Variants in OR6B3 observed in about 807,000 individuals in gnomAD.
The protein encoded by OR6B3 is olfactory receptor family 6 subfamily B member 3.
For synonymous variants in OR6B3, 148 were observed against 187.8 expected (o/e 0.79, Z 1.73); for missense variants, 315 against 427.4 (o/e 0.74, Z 2.32).
rs57303374 is a variant in OR6B3, at chr2:240,045,743, G to A, written c.330C>T (p.Thr110=). The change falls in exon 2 of 2, where the codon ACC becomes ACT. Residue 110 remains threonine, a synonymous_variant. Coordinates refer to ENST00000641019, the Ensembl canonical transcript of OR6B3. Reference sequence around the variant, plus strand: ...CCATGGAGGCCAGAAGCACACACTCGGTGCACACCAGGGAGCTGAAGAAGT... The same window carrying A: ...CCATGGAGGCCAGAAGCACACACTCAGTGCACACCAGGGAGCTGAAGAAGT... 0.049 allele frequency: 67,618 copies of A among 1,375,974 alleles called. 3,093 individuals carry two copies. Among genetic ancestry groups the A allele is most frequent in the African/African-American group, 0.17 (11,705 of 68,808 alleles). The allele number at this position is 1,375,974 out of a possible 1,614,324, so 85.2% of individuals were successfully genotyped here. A position where few individuals can be genotyped will look rare whatever the true frequency, so the allele number is the denominator to read the frequency against.
At chr2:240,052,738 C>G in the OR6B3 span, among the ~76,000 whole-genome samples, 1 of 152,208 alleles carries the variant, frequency 6.6e-6, no homozygotes, top group African/African-American at 2.4e-5. The surrounding 1 kb of genome is among the most constrained non-coding windows in gnomAD (Gnocchi z 4.5). Context: ...CCCGTGGGCC[C>G]GACACGCATA....
chr2:240,049,901 A>G (rs11677092), upstream of OR6B3, among the ~76,000 whole-genome samples: 66,306 of 152,012 alleles, frequency 0.44, 15,280 homozygotes, highest in African/African-American at 0.59. Flanking sequence ...GAGATAATCA[A>G]AAGGGTATGT....
chr2:240,052,746 A>G, the OR6B3 span, among the ~76,000 whole-genome samples: 2 of 152,244 alleles, frequency 1.3e-5, no homozygotes, highest in African/African-American at 4.8e-5. This position sits in a 1 kb window ranked among gnomAD's most constrained non-coding sequence, Gnocchi z 4.5. Flanking sequence ...CCCGACACGC[A>G]TAGCCTGCTC....
exon 2 of OR6B3, chr2:240,045,191 A>G (rs779081826): frequency 9.9e-6 from 16 of 1,614,118 alleles, no homozygotes; most frequent in Non-Finnish European, 1.3e-5. Flanking sequence ...TAAATTCCTT[A>G]TTCCTCAGGC....
upstream of OR6B3, among the ~76,000 whole-genome samples, chr2:240,048,122 G>A (rs544820867): frequency 4.6e-5 from 7 of 152,300 alleles, no homozygotes; most frequent in South Asian, 6.2e-4. Flanking sequence ...CACCTGGTTC[G>A]TGTTGGCATG....
the OR6B3 span, among the ~76,000 whole-genome samples, chr2:240,052,386 A>G: frequency 6.6e-6 from 1 of 152,114 alleles, no homozygotes; most frequent in African/African-American, 2.4e-5. The surrounding 1 kb of genome is among the most constrained non-coding windows in gnomAD (Gnocchi z 4.5). Context: ...TATTTTGGAT[A>G]GAAAAACTAC....
At chr2:240,051,373 G>C (rs1352004373), upstream of OR6B3, among the ~76,000 whole-genome samples, 1 of 152,192 alleles carries the variant, frequency 6.6e-6, no homozygotes, top group Non-Finnish European at 1.5e-5. Context: ...CTATTTTTGA[G>C]AAAACTGAGT....
upstream of OR6B3, among the ~76,000 whole-genome samples, chr2:240,050,746 A>C (rs1455152495): frequency 6.6e-5 from 10 of 151,964 alleles, no homozygotes; most frequent in African/African-American, 2.4e-4. Flanking sequence ...AAGGAAAAAA[A>C]AAAAAGAGAC....
exon 2 of OR6B3, chr2:240,045,744 G>T: frequency 7.2e-7 from 1 of 1,386,494 alleles, no homozygotes; most frequent in Non-Finnish European, 1.0e-6. Context: ...CACACACTCG[G>T]TGCACACCAG....
chr2:240,052,578 AC>A, the OR6B3 span, among the ~76,000 whole-genome samples: 1 of 152,034 alleles, frequency 6.6e-6, no homozygotes, highest in Non-Finnish European at 1.5e-5. The surrounding 1 kb of genome is among the most constrained non-coding windows in gnomAD (Gnocchi z 4.5). Context: ...AGTTCATTAA[AC>A]CCATGCTAAA....
At chr2:240,052,954 G>A in the OR6B3 span, among the ~76,000 whole-genome samples, 1 of 152,122 alleles carries the variant, frequency 6.6e-6, no homozygotes, top group Admixed American at 6.5e-5. The surrounding 1 kb of genome is among the most constrained non-coding windows in gnomAD (Gnocchi z 4.5). Flanking sequence ...TGGGATTACA[G>A]GTGCCCAGCT....
At chr2:240,053,314 G>C in the OR6B3 span, among the ~76,000 whole-genome samples, 15 of 152,282 alleles carry the variant, frequency 9.9e-5, no homozygotes, top group South Asian at 2.9e-3. This position sits in a 1 kb window ranked among gnomAD's most constrained non-coding sequence, Gnocchi z 4.1. Flanking sequence ...CCAATATCTG[G>C]TTTCTTTTGA....
At chr2:240,050,053 C>A (rs1698236121), upstream of OR6B3, among the ~76,000 whole-genome samples, 2 of 148,808 alleles carry the variant, frequency 1.3e-5, no homozygotes, top group Admixed American at 1.3e-4. Flanking sequence ...AGAAAGCACC[C>A]CAAACTAACT....
chr2:240,045,350 G>A lies in OR6B3; in HGVS notation c.723C>T (p.Cys241=), dbSNP rs200717003. The A allele has an allele frequency of 1.2e-5, 20 of 1,614,084 alleles. 1 individual carries two copies. Among genetic ancestry groups the A allele is most frequent in the East Asian group, 4.5e-5 (2 of 44,896 alleles). ...CGGTGACCACGGTGAGGTGAGAGGC[G>A]CAGGTGAAGAAGGCTCTCCAGCAGC... The change falls in exon 2 of 2, where the codon TGC becomes TGT. Residue 241 remains cysteine, a synonymous_variant. Coordinates refer to ENST00000641019, the Ensembl canonical transcript of OR6B3.
chr2:240,046,103 A>G lies in OR6B3; in HGVS notation c.-25-6T>C, dbSNP rs1273195658. ...TGTGCTTGGGAGCTGCAGGCCTACA[A>G]AACATCAAAGAGCAAGAGGAAAGGG... On this transcript the variant is annotated splice_polypyrimidine_tract_variant and splice_region_variant and intron_variant, in intron 1 of 1. Transcript: ENST00000641019. 1 of 1,567,952 alleles carries G rather than the reference A, an allele frequency of 6.4e-7. No homozygotes were observed. Among genetic ancestry groups the G allele is most frequent in the East Asian group, 2.2e-5 (1 of 44,556 alleles).
At chr2:240,047,393 G>A (rs1698206141), upstream of OR6B3, among the ~76,000 whole-genome samples, 1 of 152,190 alleles carries the variant, frequency 6.6e-6, no homozygotes, top group African/African-American at 2.4e-5. Context: ...GATATGGAAT[G>A]GTTTCCAAGG....
chr2:240,045,801 C>T lies in OR6B3; in HGVS notation c.272G>A (p.Arg91His), dbSNP rs749990375. 68 of 1,556,800 alleles carry T rather than the reference C, an allele frequency of 4.4e-5. No homozygotes were observed. The highest frequency in any genetic ancestry group is 5.3e-5 in the Non-Finnish European group (60 of 1,128,530). ...CGTCATGCACCCGACGAAAGAGATG[C>T]GTTTCTGCTGGAGGAGGAAGCCCTC... The change falls in exon 2 of 2, where the codon CGC becomes CAC. Residue 91 changes from arginine (R) to histidine (H), a missense_variant. Coordinates refer to ENST00000641019, the Ensembl canonical transcript of OR6B3.
intron 1 of OR6B3, among the ~76,000 whole-genome samples, chr2:240,046,462 C>G (rs773032711): frequency 1.2e-4 from 18 of 152,332 alleles, no homozygotes; most frequent in Non-Finnish European, 1.5e-4. Flanking sequence ...TGAGCCCTGA[C>G]TGCCCCAGGC....
At position 240,045,153 on chromosome 2, in the gene OR6B3, A is replaced by C. The variant is rs1301407103; in HGVS notation, c.920T>G (p.Leu307Trp). Residue 307 changes from leucine to tryptophan, a missense_variant, in exon 2 of 2, where the codon TTG (leucine) becomes TGG (tryptophan). By Grantham distance (61) the Leu-to-Trp change is moderately conservative. Transcript: ENST00000641019. ...CCTCCCCTCTACGGCGCAGCTCGTC[A>C]AGCCGAAGGCTTTTTTCAAGGCATT... 1.9e-6 allele frequency: 3 copies of C among 1,614,184 alleles called. No individual in the cohort carries two copies. The South Asian group carries it at 3.3e-5, about 18-fold the overall frequency.
Sources: allele counts gnomAD v4.1 joint callset (sites outside exome capture counted in the v4.1 genomes callset), GRCh38; gene constraint gnomAD v4.1.1; non-coding constraint Gnocchi (gnomAD v3.1); transcripts MANE v1.5; gene names NCBI Gene and HGNC (gene_info 2026-07-23, HGNC 2026-07-21).